The following PTPRT variants were observed in gnomAD, a reference collection of about 807,000 sequenced individuals.
PTPRT encodes the protein protein tyrosine phosphatase receptor type T.
PTPRT carries 56 observed loss-of-function variants against 176.8 expected under a neutral mutation model. The observed-to-expected ratio is 0.32, with a 90% CI of 0.26 to 0.40. The LOEUF is 0.40. Among genes scored for constraint, PTPRT ranks in the 10% least tolerant of loss-of-function variants. The pLI is 1.00. For synonymous variants in PTPRT, 783 were observed against 739.0 expected, an observed-to-expected ratio of 1.06 and a Z score of -0.96; for missense variants, 1,540 against 1,908.2, an observed-to-expected ratio of 0.81 and a Z score of 3.60.
intron 1 of PTPRT, among the ~76,000 whole-genome samples, chr20:42,944,043 TAAAC>T (rs567584285): frequency 1.3e-3 from 201 of 149,560 alleles, no homozygotes; most frequent in African/African-American, 4.6e-3. Flanking sequence ...AATAAATAAA[TAAAC>T]AAACAAACAA....
intron 7 of PTPRT, among the ~76,000 whole-genome samples, chr20:42,622,727 C>T (rs894228284): frequency 2.0e-5 from 3 of 152,126 alleles, no homozygotes; most frequent in Non-Finnish European, 4.4e-5. Context: ...AAGTTCATGG[C>T]TTCAAAATGC....
At chr20:42,925,784 G>T (rs938080358) in intron 1 of PTPRT, among the ~76,000 whole-genome samples, 1 of 152,184 alleles carries the variant, frequency 6.6e-6, no homozygotes, top group African/African-American at 2.4e-5. Context: ...GATGCTTCTG[G>T]TCCAGGGCCA....
At chr20:42,720,212 G>A (rs935378306) in intron 6 of PTPRT, among the ~76,000 whole-genome samples, 2 of 152,198 alleles carry the variant, frequency 1.3e-5, no homozygotes, top group Non-Finnish European at 2.9e-5. Flanking sequence ...ATTGAACATT[G>A]CCTTTGTACC....
intron 9 of PTPRT, among the ~76,000 whole-genome samples, chr20:42,385,285 A>G (rs1322555968): frequency 6.6e-6 from 1 of 152,210 alleles, no homozygotes; most frequent in Non-Finnish European, 1.5e-5. Context: ...AAAATAAAAA[A>G]GGAAGTCTTG....
chr20:42,584,399 C>T (rs565280609), intron 7 of PTPRT, among the ~76,000 whole-genome samples: 26 of 152,272 alleles, frequency 1.7e-4, no homozygotes, highest in South Asian at 4.1e-4. Context: ...TCCCACCTCA[C>T]GGCATTTGCA....
chr20:42,484,331 C>T (rs2071433849), intron 7 of PTPRT, among the ~76,000 whole-genome samples: 1 of 152,166 alleles, frequency 6.6e-6, no homozygotes, highest in Non-Finnish European at 1.5e-5. Context: ...AAACAGTACA[C>T]ACAAATCAAA....
At position 42,776,897 on chromosome 20, in the gene PTPRT, ATTACT is replaced by A. The variant is rs1384642586; in HGVS notation, c.568+3316_568+3320del. Among the ~76,000 whole-genome samples the A allele has an allele frequency of 1.7e-4, 26 of 150,840 alleles. 1 individual carries two copies. ...TAGATTATAATAATATAATCATATA[ATTACT>A]TTATTTGTTTTGCTTCAGCCTCCTT... On this transcript the variant is annotated intron_variant, in intron 4 of 30. Coordinates refer to ENST00000373187, the MANE Select transcript of PTPRT (RefSeq NM_007050.6).
intron 7 of PTPRT, among the ~76,000 whole-genome samples, chr20:42,620,786 G>A (rs993402725): frequency 3.3e-5 from 5 of 152,266 alleles, no homozygotes; most frequent in African/African-American, 7.2e-5. Context: ...GCAATGCCTC[G>A]CCCTGCTTCG....
At chr20:42,319,855 G>A (rs776506739) in intron 11 of PTPRT, among the ~76,000 whole-genome samples, 60 of 152,028 alleles carry the variant, frequency 3.9e-4, no homozygotes, top group Admixed American at 1.2e-3. Context: ...CCTCCCTTTT[G>A]GGGTCATATC....
At chr20:42,711,798 T>G (rs1256037505) in intron 6 of PTPRT, among the ~76,000 whole-genome samples, 1 of 151,250 alleles carries the variant, frequency 6.6e-6, no homozygotes, top group Non-Finnish European at 1.5e-5. Context: ...CATTACCTCC[T>G]GCATCCTATC....
chr20:42,315,666 T>C lies in PTPRT; in HGVS notation c.2139+57A>G, dbSNP rs1343186060. The stretch of plus-strand genomic sequence containing the variant: ...CTCTAGAGCCCTGCTGACTTATCAT[T>C]TGAGAATGAAAAAATGCAAACAAGG... On this transcript the variant is annotated intron_variant, in intron 12 of 30. Coordinates refer to ENST00000373187, the MANE Select transcript of PTPRT (RefSeq NM_007050.6). The C allele has an allele frequency of 5.1e-6, 8 of 1,569,064 alleles. No homozygotes were observed. In the Admixed American group the frequency reaches 1.4e-4, roughly 27 times the overall value.
intron 7 of PTPRT, among the ~76,000 whole-genome samples, chr20:42,473,235 G>A (rs1014023275): frequency 1.3e-5 from 2 of 152,034 alleles, no homozygotes; most frequent in Non-Finnish European, 2.9e-5. Context: ...AAGCTAATCT[G>A]AGCATGCCTT....
chr20:43,089,919 A>G (rs1264409569), intron 1 of PTPRT, among the ~76,000 whole-genome samples: 2 of 152,184 alleles, frequency 1.3e-5, no homozygotes, highest in Non-Finnish European at 1.5e-5. Context: ...TATCACCCCA[A>G]AATATGTTCC....
At chr20:42,911,262 T>C (rs1011718286) in intron 1 of PTPRT, among the ~76,000 whole-genome samples, 11 of 152,266 alleles carry the variant, frequency 7.2e-5, no homozygotes, top group African/African-American at 1.9e-4. Context: ...TACAACCTCA[T>C]AGAATTTCTT....
chr20:42,168,099 T>A (rs1038383374), intron 16 of PTPRT, among the ~76,000 whole-genome samples: 5 of 152,172 alleles, frequency 3.3e-5, no homozygotes, highest in Non-Finnish European at 4.4e-5. Context: ...ATTTACTATT[T>A]ATTAAGTGGA....
chr20:42,842,745 G>A (rs2078300579), intron 2 of PTPRT, among the ~76,000 whole-genome samples: 1 of 152,266 alleles, frequency 6.6e-6, no homozygotes, highest in East Asian at 1.9e-4. Flanking sequence ...TAGTTCTTGA[G>A]GCTGAAAAGT....
intron 17 of PTPRT, among the ~76,000 whole-genome samples, chr20:42,144,618 G>C (rs1355535892): frequency 2.6e-5 from 4 of 152,180 alleles, no homozygotes; most frequent in Non-Finnish European, 5.9e-5. Flanking sequence ...GGCAGTTAAG[G>C]GAGTGGGAAC....
At chr20:42,820,207 TAACA>T (rs1168767085) in intron 2 of PTPRT, among the ~76,000 whole-genome samples, 15 of 152,084 alleles carry the variant, frequency 9.9e-5, no homozygotes, top group Non-Finnish European at 7.4e-5. Flanking sequence ...ACTAAAATGA[TAACA>T]AACAGTCTCT....
intron 5 of PTPRT, among the ~76,000 whole-genome samples, chr20:42,770,633 G>A (rs1395470684): frequency 6.6e-6 from 1 of 151,244 alleles, no homozygotes; most frequent in African/African-American, 2.4e-5. Flanking sequence ...GCTCATTTTA[G>A]TGAAAAATTC....
Sources: allele counts gnomAD v4.1 joint callset (sites outside exome capture counted in the v4.1 genomes callset), GRCh38; gene constraint gnomAD v4.1.1; transcripts MANE v1.5; gene names NCBI Gene and HGNC (gene_info 2026-07-23, HGNC 2026-07-21).